The following ZNF438 variants were observed in gnomAD, a reference collection of about 807,000 sequenced individuals.
ZNF438 encodes the protein zinc finger protein 438.
In ZNF438, 25 loss-of-function variants were observed where a neutral mutation model predicts 38.0. The observed-to-expected ratio is 0.66, with a 90% CI of 0.48 to 0.92. The LOEUF (loss-of-function observed/expected upper bound fraction) is 0.92, where lower values mean the gene tolerates loss of function less well. ZNF438 is among the 40% of genes least tolerant of loss of function. The pLI is 0.00. For missense variants in ZNF438, 1,007 were observed against 999.6 expected (o/e 1.01, Z -0.10); for synonymous variants, 372 against 364.1 (o/e 1.02, Z -0.25).
At position 30,848,763 on chromosome 10, in the gene ZNF438, C is replaced by G. The variant is rs1275687991; in HGVS notation, c.1642G>C (p.Gly548Arg). Reference sequence around the variant, plus strand: ...AGTTTCATGTGTGTGCTCAGGCTGCCAGGACGTACATAGGACTTGCGACAA... The same window carrying G: ...AGTTTCATGTGTGTGCTCAGGCTGCGAGGACGTACATAGGACTTGCGACAA... The change falls in exon 5 of 6, where the codon GGC becomes CGC. Residue 548 changes from glycine to arginine, a missense_variant. Coordinates refer to ENST00000413025, the Ensembl canonical transcript of ZNF438. 3.1e-6 allele frequency: 5 copies of G among 1,614,194 alleles called. No individual in the cohort carries two copies. The highest frequency in any genetic ancestry group is 1.3e-5 in the African/African-American group (1 of 75,034).
chr10:30,876,017 CTTA>C (rs1343935785), intron 4 of ZNF438, among the ~76,000 whole-genome samples: 1 of 152,190 alleles, frequency 6.6e-6, no homozygotes, highest in East Asian at 1.9e-4. Flanking sequence ...TAGAGTGGAA[CTTA>C]TTATCTTCAT....
intron 2 of ZNF438, among the ~76,000 whole-genome samples, chr10:30,916,500 C>A (rs2043653245): frequency 1.3e-5 from 2 of 151,970 alleles, no homozygotes; most frequent in South Asian, 2.1e-4. Flanking sequence ...TCCTTTTTCC[C>A]ATGCCTTCTC....
At chr10:31,001,944 G>A (rs566844485) in intron 1 of ZNF438, among the ~76,000 whole-genome samples, 2 of 152,186 alleles carry the variant, frequency 1.3e-5, no homozygotes, top group Admixed American at 1.3e-4. Context: ...CTCATTGGCA[G>A]GGCTGAGTAA....
At chr10:30,919,893 A>G (rs1234565479) in intron 2 of ZNF438, 1 of 152,106 alleles carries the variant, frequency 6.6e-6, no homozygotes, top group Non-Finnish European at 1.5e-5. Context: ...ATACAGTACT[A>G]TTTCTCCTTA....
At chr10:31,015,629 G>C (rs1034848929) in intron 1 of ZNF438, among the ~76,000 whole-genome samples, 3 of 152,220 alleles carry the variant, frequency 2.0e-5, no homozygotes, top group African/African-American at 7.2e-5. Context: ...GGGTGGCAGA[G>C]TGAGACTCTG....
chr10:30,964,646 C>A (rs1257172664), intron 1 of ZNF438, among the ~76,000 whole-genome samples: 4 of 152,124 alleles, frequency 2.6e-5, no homozygotes, highest in Admixed American at 6.6e-5. Context: ...TAAATGAAAT[C>A]TTTTTTTCTA....
intron 1 of ZNF438, among the ~76,000 whole-genome samples, chr10:30,986,328 T>C (rs2052784751): frequency 6.6e-6 from 1 of 152,222 alleles, no homozygotes; most frequent in Admixed American, 6.5e-5. Flanking sequence ...AGGCGCAATA[T>C]ACAGCACTTC....
intron 1 of ZNF438, among the ~76,000 whole-genome samples, chr10:30,951,474 C>A (rs573206081): frequency 1.3e-5 from 2 of 151,976 alleles, no homozygotes; most frequent in Non-Finnish European, 2.9e-5. Context: ...TGTTTGCAGA[C>A]GACATGATTG....
intron 3 of ZNF438, among the ~76,000 whole-genome samples, chr10:30,878,607 C>G (rs963507623): frequency 1.3e-5 from 2 of 152,196 alleles, no homozygotes; most frequent in African/African-American, 2.4e-5. Context: ...TTTGCCCTTG[C>G]TGGTGGAGTG....
chr10:30,949,526 T>C (rs1399227943), intron 1 of ZNF438, among the ~76,000 whole-genome samples: 4 of 152,102 alleles, frequency 2.6e-5, no homozygotes, highest in African/African-American at 7.2e-5. Flanking sequence ...CAGAGACACA[T>C]ATAGGCTCAA....
At chr10:30,886,449 G>A (rs1027942548) in intron 3 of ZNF438, among the ~76,000 whole-genome samples, 5 of 152,068 alleles carry the variant, frequency 3.3e-5, no homozygotes, top group Admixed American at 6.5e-5. Context: ...CTTATGATGG[G>A]GCTATATACT....
At chr10:30,947,017 C>G (rs2047490728) in intron 1 of ZNF438, among the ~76,000 whole-genome samples, 1 of 152,230 alleles carries the variant, frequency 6.6e-6, no homozygotes, top group Admixed American at 6.5e-5. Flanking sequence ...TTTCCTCCTT[C>G]CTGTCTTTTG....
chr10:30,929,945 G>A (rs1406258912), intron 2 of ZNF438, among the ~76,000 whole-genome samples: 10 of 152,200 alleles, frequency 6.6e-5, no homozygotes, highest in African/African-American at 1.9e-4. Context: ...CAATCCTCCA[G>A]CTAGATATAA....
intron 1 of ZNF438, among the ~76,000 whole-genome samples, chr10:30,995,705 C>A (rs1004771926): frequency 1.3e-5 from 2 of 152,190 alleles, no homozygotes; most frequent in African/African-American, 4.8e-5. Flanking sequence ...GGGCTAACAA[C>A]ATTTACTGCT....
chr10:30,968,029 T>C (rs1219058234), intron 1 of ZNF438, among the ~76,000 whole-genome samples: 1 of 152,138 alleles, frequency 6.6e-6, no homozygotes, highest in Non-Finnish European at 1.5e-5. Context: ...TATATATATA[T>C]ACACAGAGCA....
intron 2 of ZNF438, among the ~76,000 whole-genome samples, chr10:30,933,310 T>C (rs1169128465): frequency 1.3e-5 from 2 of 152,252 alleles, no homozygotes; most frequent in Non-Finnish European, 2.9e-5. Context: ...TACTTAGCTC[T>C]AGCTGGTTAC....
At chr10:30,928,182 A>C (rs1394395647) in intron 2 of ZNF438, among the ~76,000 whole-genome samples, 3 of 152,200 alleles carry the variant, frequency 2.0e-5, no homozygotes, top group Admixed American at 2.0e-4. Flanking sequence ...TACACACTAG[A>C]ATTTAGAACA....
intron 1 of ZNF438, among the ~76,000 whole-genome samples, chr10:30,960,520 A>G (rs1330498817): frequency 1.4e-5 from 2 of 147,106 alleles, no homozygotes; most frequent in Non-Finnish European, 3.1e-5. Flanking sequence ...TGAAAAAATA[A>G]CCCTTTCTCT....
At chr10:30,907,854 C>T (rs1273464669) in intron 3 of ZNF438, among the ~76,000 whole-genome samples, 2 of 151,734 alleles carry the variant, frequency 1.3e-5, no homozygotes, top group Admixed American at 6.6e-5. Context: ...TTATTTTCTT[C>T]CTTCTGCTTG....
Sources: allele counts gnomAD v4.1 joint callset (sites outside exome capture counted in the v4.1 genomes callset), GRCh38; gene constraint gnomAD v4.1.1; transcripts MANE v1.5; gene names NCBI Gene and HGNC (gene_info 2026-07-23, HGNC 2026-07-21).